The following ERC1 variants were observed in gnomAD, a reference collection of about 807,000 sequenced individuals.
The protein encoded by ERC1 is RAB6 interacting protein 2.
ERC1 carries 56 observed loss-of-function variants against 132.0 expected under a neutral mutation model. The observed-to-expected ratio is 0.42, with a 90% CI of 0.34 to 0.53. The LOEUF (loss-of-function observed/expected upper bound fraction) is 0.53. ERC1 is among the 20% of genes least tolerant of loss of function. The pLI, the probability that ERC1 is intolerant of heterozygous loss-of-function variation, is 0.03. For missense variants in ERC1, 1,202 were observed against 1,349.9 expected (o/e 0.89, Z 1.72); for synonymous variants, 478 against 476.1 (o/e 1.00, Z -0.05).
chr12:1,018,595 A>G (rs1052650089), intron 1 of ERC1, among the ~76,000 whole-genome samples: 2 of 152,214 alleles, frequency 1.3e-5, no homozygotes, highest in Non-Finnish European at 2.9e-5. Context: ...TGCTTTCATT[A>G]TATTTGTTTT....
Position 1,284,265 on chromosome 12 carries a change from C to CGTGTGTGTGT in ERC1, c.2620-5552_2620-5543dup, listed in dbSNP as rs71055142. Among the ~76,000 whole-genome samples, 1,233 of 140,172 alleles carry CGTGTGTGTGT rather than the reference C, an allele frequency of 8.8e-3. 18 individuals are homozygous for CGTGTGTGTGT. The highest frequency in any genetic ancestry group is 0.03 in the East Asian group (141 of 4,648). 92.0% of individuals were successfully genotyped at this position (140,172 alleles called of 152,430 possible). On this transcript the variant is annotated intron_variant, in intron 14 of 18. Transcript: ENST00000360905. ...ATTCTTTTTATGGCTGAATAGTATT[C>CGTGTGTGTGT]GTGTGTGTGTGTGTGTGTGTGTGTG...
At chr12:1,474,413 T>C (rs1204061420) in intron 18 of ERC1, among the ~76,000 whole-genome samples, 1 of 152,210 alleles carries the variant, frequency 6.6e-6, no homozygotes, top group Admixed American at 6.5e-5. Flanking sequence ...ACATCCTCCC[T>C]TTCACCTCAT....
chr12:1,334,169 T>G (rs1339716629), intron 15 of ERC1, among the ~76,000 whole-genome samples: 4 of 152,208 alleles, frequency 2.6e-5, no homozygotes, highest in Non-Finnish European at 5.9e-5. Flanking sequence ...TTGCAAAAAT[T>G]TCCTCCCATT....
intron 12 of ERC1, among the ~76,000 whole-genome samples, chr12:1,203,802 A>G (rs1461919579): frequency 6.6e-6 from 1 of 152,248 alleles, no homozygotes; most frequent in African/African-American, 2.4e-5. Flanking sequence ...AATATTAAGC[A>G]TGACTGCTTT....
At chr12:1,445,387 G>A (rs1288787171) in intron 18 of ERC1, among the ~76,000 whole-genome samples, 1 of 151,926 alleles carries the variant, frequency 6.6e-6, no homozygotes, top group African/African-American at 2.4e-5. Flanking sequence ...GTGCCAACAT[G>A]CCCGGCTAGT....
In ERC1 at chr12:1,190,004, T is replaced by G. The variant is rs1322912726; in HGVS notation, c.2303T>G (p.Val768Gly). The change falls in exon 12 of 19, where the codon GTG (valine) becomes GGG (glycine). Residue 768 changes from valine to glycine, a missense_variant. By Grantham distance (109) the Val-to-Gly change is moderately radical. Coordinates refer to ENST00000360905, the MANE Select transcript of ERC1 (RefSeq NM_178040.4). ...CGACTCTTAGAAATCTTGAAGGAGG[T>G]GGAAAATGAGAAGAATGACAAAGAT... The part of the protein sequence containing the change: ...VDRLLEILKE[V>G]ENEKNDKDKK... The G allele has an allele frequency of 6.2e-7, 1 of 1,613,386 alleles. No homozygotes were observed. Among genetic ancestry groups the G allele is most frequent in the Non-Finnish European group, 8.5e-7 (1 of 1,179,812 alleles).
At chr12:1,138,135 A>G (rs1566059558) in intron 7 of ERC1, among the ~76,000 whole-genome samples, 2 of 122,636 alleles carry the variant, frequency 1.6e-5, no homozygotes, top group African/African-American at 6.6e-5. Context: ...TATTATATAT[A>G]ATATAATTAT....
At position 1,494,034 on chromosome 12, in the gene ERC1, A is replaced by T. The variant is rs928976057; in HGVS notation, c.*3804A>T. On this transcript the variant is annotated 3_prime_UTR_variant, in exon 19 of 19. Coordinates refer to ENST00000360905, the MANE Select transcript of ERC1 (RefSeq NM_178040.4). Reference sequence around the variant, plus strand: ...ATCCCGCCCTCCTGTTGACCATGTTACTTGAGTGTAGGCCCGGTGTCAAGA... The same window carrying T: ...ATCCCGCCCTCCTGTTGACCATGTTTCTTGAGTGTAGGCCCGGTGTCAAGA... 4.3e-6 allele frequency: 1 copy of T among 232,268 alleles called. No individual in the cohort carries two copies. Among genetic ancestry groups the T allele is most frequent in the African/African-American group, 2.2e-5 (1 of 45,222 alleles). The allele number at this position is 232,268 out of a possible 1,614,324, so 14.4% of individuals were successfully genotyped here.
intron 12 of ERC1, among the ~76,000 whole-genome samples, chr12:1,228,097 T>C (rs1256731326): frequency 4.6e-5 from 7 of 152,226 alleles, no homozygotes; most frequent in Non-Finnish European, 1.5e-5. Context: ...GCTTTGTTCT[T>C]CTTACTCACA....
At chr12:1,262,662 G>A (rs2286036) in intron 13 of ERC1, among the ~76,000 whole-genome samples, 27 of 151,728 alleles carry the variant, frequency 1.8e-4, no homozygotes, top group Admixed American at 1.1e-3. Context: ...ATATTCGGTC[G>A]AATTACTATC....
intron 1 of ERC1, among the ~76,000 whole-genome samples, chr12:1,026,967 T>C (rs1456178702): frequency 6.6e-6 from 1 of 152,230 alleles, no homozygotes; most frequent in Non-Finnish European, 1.5e-5. Flanking sequence ...TTCACTGGGA[T>C]TGTGCTAAGT....
intron 3 of ERC1, among the ~76,000 whole-genome samples, chr12:1,095,930 ATTTTTTT>A (rs372053389): frequency 4.8e-5 from 7 of 144,654 alleles, no homozygotes; most frequent in South Asian, 2.2e-4. Context: ...GCAGGGAAGG[ATTTTTTT>A]TTTTTTTTTT....
chr12:1,387,923 A>C (rs2089549402), intron 16 of ERC1, among the ~76,000 whole-genome samples: 1 of 152,190 alleles, frequency 6.6e-6, no homozygotes, highest in Admixed American at 6.5e-5. Flanking sequence ...GTTCCCCTTT[A>C]TTTGAAGGAG....
intron 1 of ERC1, among the ~76,000 whole-genome samples, chr12:1,007,456 TTCATTCTCTCTC>T (rs1271805375): frequency 2.5e-5 from 3 of 120,984 alleles, no homozygotes; most frequent in Non-Finnish European, 5.0e-5. Flanking sequence ...GACTGGGTAA[TTCATTCTCTCTC>T]TCTCTCTCTC....
At chr12:1,317,021 T>G (rs2154352425) in intron 15 of ERC1, among the ~76,000 whole-genome samples, 1 of 151,796 alleles carries the variant, frequency 6.6e-6, no homozygotes, top group Middle Eastern at 3.4e-3. Context: ...ATTAGCTGGG[T>G]GTAGTGGCAG....
At chr12:1,337,087 A>T (rs1340018931) in intron 15 of ERC1, among the ~76,000 whole-genome samples, 1 of 152,142 alleles carries the variant, frequency 6.6e-6, no homozygotes, top group East Asian at 1.9e-4. Context: ...AAGTGCTGGG[A>T]TTACAGGCAT....
chr12:1,381,739 C>T (rs2088693806), intron 16 of ERC1, among the ~76,000 whole-genome samples: 1 of 152,218 alleles, frequency 6.6e-6, no homozygotes, highest in Admixed American at 6.5e-5. Flanking sequence ...TTGCCTTGCA[C>T]TTCCTCAGCT....
intron 18 of ERC1, among the ~76,000 whole-genome samples, chr12:1,456,337 G>A (rs754363966): frequency 1.6e-4 from 25 of 152,250 alleles, no homozygotes; most frequent in Non-Finnish European, 3.1e-4. Flanking sequence ...AAATATTTTG[G>A]TTTGCAGGTA....
In ERC1 at chr12:1,440,301, T is replaced by C. The variant is rs569096578; in HGVS notation, c.3025-4261T>C. ...CTCACTGCAAGCTCCGCCTCCTGGG[T>C]TCACGCCATTCTCCTGCCTCAGCCT... On this transcript the variant is annotated intron_variant, in intron 17 of 18. Transcript: ENST00000360905. 2.3e-3 allele frequency among the ~76,000 whole-genome samples: 334 copies of C among 146,504 alleles called. 2 individuals carry two copies. The highest frequency in any genetic ancestry group is 7.9e-3 in the African/African-American group (304 of 38,378).
Sources: allele counts gnomAD v4.1 joint callset (sites outside exome capture counted in the v4.1 genomes callset), GRCh38; gene constraint gnomAD v4.1.1; transcripts MANE v1.5; gene names NCBI Gene and HGNC (gene_info 2026-07-23, HGNC 2026-07-21).